Variants in SHMT1 observed in about 807,000 individuals in gnomAD.
SHMT1 encodes the protein serine hydroxymethyltransferase 1.
SHMT1 carries 45 observed loss-of-function variants against 49.0 expected under a neutral mutation model. That is an observed-to-expected ratio of 0.92 (90% CI 0.72 to 1.18). The LOEUF (loss-of-function observed/expected upper bound fraction) is 1.18. Among genes scored for constraint, SHMT1 ranks in the 50% most tolerant of loss-of-function variants. The pLI is 0.00. For missense variants in SHMT1, 541 were observed against 612.4 expected, an observed-to-expected ratio of 0.88 and a Z score of 1.23; for synonymous variants, 232 against 246.6, an observed-to-expected ratio of 0.94 and a Z score of 0.55.
rs1208262475 is a variant in SHMT1 at position 18,348,340 on chromosome 17, C to T, written c.343G>A (p.Val115Ile). Reference sequence around the variant, plus strand: ...AGACAAGCACCTGAGTAGGGCTGGACGTTGACCCCCCAGCACTGTGGGTCC... The same window carrying T: ...AGACAAGCACCTGAGTAGGGCTGGATGTTGACCCCCCAGCACTGTGGGTCC... Reference protein sequence around the residue: ...KLDPQCWGVNVQPYSGSPANF... With the variant: ...KLDPQCWGVNIQPYSGSPANF... The change falls in exon 4 of 12, where the codon GTC (valine) becomes ATC (isoleucine). Residue 115 changes from valine (V) to isoleucine (I), a missense_variant. Transcript: ENST00000316694. 7 of 1,610,586 alleles carry T rather than the reference C, an allele frequency of 4.3e-6. No individual in the cohort carries two copies. Among genetic ancestry groups the T allele is most frequent in the South Asian group, 1.1e-5 (1 of 90,998 alleles).
chr17:18,336,870 C>T (rs1467273688), intron 7 of SHMT1, among the ~76,000 whole-genome samples: 2 of 152,006 alleles, frequency 1.3e-5, no homozygotes, highest in Admixed American at 6.6e-5. Flanking sequence ...TGCTTGGGCC[C>T]GGGAAGTTGA....
rs1247978338 is a variant in SHMT1 at position 18,340,061 on chromosome 17, T to C, written c.796A>G (p.Met266Val). ...HKTLRGCRAG[M>V]IFYRKGVKSV... is the part of the protein sequence containing the mutation. ...AGCTCACCTTTCCTGTAGAAGATCA[T>C]GCCAGCTCGGCAGCCTCGCAGGGTC... is the stretch of plus-strand genomic sequence containing the variant. Residue 266 changes from methionine (M) to valine (V), a missense_variant, in exon 7 of 12, where the codon ATG becomes GTG. By Grantham distance (21) the Met-to-Val change is conservative (BLOSUM62 1). Transcript: ENST00000316694. The surrounding 1 kb of genome is among the most constrained non-coding windows in gnomAD (Gnocchi z 4.5). 2 of 1,613,814 alleles carry C rather than the reference T, an allele frequency of 1.2e-6. No homozygotes were observed. The highest frequency in any genetic ancestry group is 1.7e-6 in the Non-Finnish European group (2 of 1,180,040).
rs1472508517 is a variant in SHMT1 at position 18,347,534 on chromosome 17, A to G, written c.481T>C (p.Ser161Pro). ...HGFMTDKKKI[S>P]ATSIFFESMP... ...GATTCAAAGAAGATGGACGTGGCAG[A>G]GATTTTCTTCTTGTCTGTCATGAAC... The change falls in exon 5 of 12, where the codon TCT becomes CCT. Residue 161 changes from serine (S) to proline (P), a missense_variant. Physicochemically the swap from Ser to Pro is moderately conservative, Grantham distance 74. Coordinates refer to ENST00000316694, the MANE Select transcript of SHMT1 (RefSeq NM_004169.5). 6.2e-7 allele frequency: 1 copy of G among 1,614,076 alleles called. No individual in the cohort carries two copies. The highest frequency in any genetic ancestry group is 8.5e-7 in the Non-Finnish European group (1 of 1,180,036).
rs564986930 is a variant in SHMT1, at chr17:18,356,860, G to A, written c.-19-860C>T. ...CCCCACCTGCAGGGAGCCCAACTCC[G>A]CCTCCTCTCAGCCAAACTTCTCATG... On this transcript the variant is annotated intron_variant, in intron 1 of 11. Transcript: ENST00000316694. Among the ~76,000 whole-genome samples, 177 of 152,052 alleles carry A rather than the reference G, an allele frequency of 1.2e-3. 1 individual carries two copies. Among genetic ancestry groups the A allele is most frequent in the Non-Finnish European group, 2.2e-3 (152 of 67,982 alleles).
chr17:18,335,709 G>A, intron 7 of SHMT1, 34 bp from the exon 8 acceptor site: 2 of 1,436,928 alleles, frequency 1.4e-6, no homozygotes, highest in African/African-American at 1.4e-5. Flanking sequence ...TGGGATCATA[G>A]GGGCTGTCCC....
chr17:18,350,258 G>A (rs184442077), intron 3 of SHMT1, among the ~76,000 whole-genome samples: 255 of 152,186 alleles, frequency 1.7e-3, no homozygotes, highest in African/African-American at 5.7e-3. Flanking sequence ...GTGAACCCGG[G>A]AGGTGGAGCT....
At chr17:18,358,549 G>A (rs933603552) in intron 1 of SHMT1, among the ~76,000 whole-genome samples, 5 of 152,206 alleles carry the variant, frequency 3.3e-5, no homozygotes, top group East Asian at 3.9e-4. Flanking sequence ...GGCAGGACTC[G>A]AAACCCCAAA....
intron 7 of SHMT1, among the ~76,000 whole-genome samples, chr17:18,336,784 A>G (rs945574279): frequency 6.6e-6 from 1 of 152,148 alleles, no homozygotes; most frequent in African/African-American, 2.4e-5. Context: ...ATGTCCACAG[A>G]AAAATTTAAA....
intron 5 of SHMT1, among the ~76,000 whole-genome samples, chr17:18,345,041 G>A (rs1260629303): frequency 2.0e-5 from 3 of 152,200 alleles, no homozygotes; most frequent in East Asian, 1.9e-4. Flanking sequence ...TGCCAATAAG[G>A]TCTGTCTCCT....
chr17:18,337,756 T>G (rs1320948419), intron 7 of SHMT1, among the ~76,000 whole-genome samples: 2 of 152,190 alleles, frequency 1.3e-5, no homozygotes, highest in Non-Finnish European at 2.9e-5. Context: ...ATTTTTTTGG[T>G]GGAGACGGGG....
intron 1 of SHMT1, among the ~76,000 whole-genome samples, chr17:18,360,779 G>C (rs1041933104): frequency 4.6e-5 from 7 of 152,054 alleles, no homozygotes; most frequent in East Asian, 3.9e-4. Context: ...CCAAGGGTCA[G>C]AAATCAGGCT....
rs1985929811 is a variant in SHMT1, at chr17:18,353,576, A to G, written c.242+96T>C. 18 of 1,274,764 alleles carry G rather than the reference A, an allele frequency of 1.4e-5. No individual in the cohort carries two copies. In the South Asian group the frequency reaches 2.2e-4, roughly 15 times the overall value. The allele number at this position is 1,274,764 out of a possible 1,614,324, so 79.0% of individuals were successfully genotyped here. A position where few individuals can be genotyped will look rare whatever the true frequency, so the allele number is the denominator to read the frequency against. On this transcript the variant is annotated intron_variant, in intron 3 of 11. Transcript: ENST00000316694. ...CAGAAATCCTACAGCTGGGAAGCTT[A>G]TTGTTTTCTGAAATTTCCAAATTGT...
intron 7 of SHMT1, among the ~76,000 whole-genome samples, chr17:18,337,303 C>T (rs1983897149): frequency 6.6e-6 from 1 of 152,134 alleles, no homozygotes; most frequent in Admixed American, 6.5e-5. Flanking sequence ...TCCGGAGTCC[C>T]TCAGCACTGG....
intron 1 of SHMT1, among the ~76,000 whole-genome samples, chr17:18,358,604 T>C (rs1012993806): frequency 6.6e-6 from 1 of 152,058 alleles, no homozygotes; most frequent in Non-Finnish European, 1.5e-5. Flanking sequence ...AAGCTGTTAG[T>C]TAAAATATGT....
intron 5 of SHMT1, among the ~76,000 whole-genome samples, chr17:18,345,264 T>C (rs1332875675): frequency 6.6e-6 from 1 of 151,518 alleles, no homozygotes; most frequent in East Asian, 1.9e-4. Flanking sequence ...AGATTCTTTC[T>C]TTTTTTTTCT....
intron 1 of SHMT1, among the ~76,000 whole-genome samples, chr17:18,357,902 C>T (rs1254186515): frequency 2.2e-5 from 3 of 138,404 alleles, no homozygotes; most frequent in Non-Finnish European, 3.0e-5. Context: ...CTCACTCTGT[C>T]GCCCAGGCTG....
At chr17:18,347,359 C>T (rs537065910) in intron 5 of SHMT1, 137 bp downstream of exon 5, 33 of 1,045,046 alleles carry the variant, frequency 3.2e-5, no homozygotes, top group Admixed American at 8.9e-5. Context: ...GAGGAGTCCC[C>T]GCTGCAAGGA....
chr17:18,341,992 G>A (rs1406316527), intron 5 of SHMT1, among the ~76,000 whole-genome samples: 1 of 152,060 alleles, frequency 6.6e-6, no homozygotes, highest in African/African-American at 2.4e-5. Flanking sequence ...AATGTTATCT[G>A]GATGCCCGCC....
intron 1 of SHMT1, chr17:18,363,109 C>A (rs950724838): frequency 3.9e-5 from 6 of 152,278 alleles, no homozygotes; most frequent in Non-Finnish European, 8.8e-5. Flanking sequence ...CTCACATCCC[C>A]GATAAGCCTT....
Sources: gnomAD v4.1 joint callset for allele counts (sites outside exome capture counted in the v4.1 genomes callset) on GRCh38, gnomAD v4.1.1 for gene constraint, Gnocchi (gnomAD v3.1) non-coding constraint, MANE v1.5 for transcripts, NCBI Gene and HGNC (gene_info 2026-07-23, HGNC 2026-07-21) for gene names.